The following HS2ST1 variants were observed in gnomAD, a reference collection of about 807,000 sequenced individuals.
HS2ST1 encodes the protein heparan sulfate 2-O-sulfotransferase 1.
HS2ST1 carries 18 observed loss-of-function variants against 42.9 expected under a neutral mutation model. That is an observed-to-expected ratio of 0.42 (90% CI 0.29 to 0.62). HS2ST1 has a LOEUF of 0.62. HS2ST1 is among the 20% of genes least tolerant of loss of function. The probability of loss-of-function intolerance (pLI) is 0.21; values close to 1 mark genes in which losing one functional copy is unlikely to be tolerated. For synonymous variants in HS2ST1, 146 were observed against 152.9 expected, an observed-to-expected ratio of 0.95 and a Z score of 0.33; for missense variants, 334 against 433.8, an observed-to-expected ratio of 0.77 and a Z score of 2.04.
chr1:86,978,331 T>C (rs1037402177), intron 1 of HS2ST1, among the ~76,000 whole-genome samples: 1 of 152,248 alleles, frequency 6.6e-6, no homozygotes, highest in Admixed American at 6.5e-5. Flanking sequence ...GAATTTATCA[T>C]GTATTATGCA....
rs1325787056 is a variant in HS2ST1 at position 86,985,441 on chromosome 1, T to C, written c.124+70281T>C. On this transcript the variant is annotated intron_variant, in intron 1 of 6. Coordinates refer to ENST00000370550, the MANE Select transcript of HS2ST1 (RefSeq NM_012262.4). ...ATATACACATATATACACACATATA[T>C]ACACATATATACACACATATATACA... Among the ~76,000 whole-genome samples the C allele has an allele frequency of 8.8e-3, 299 of 33,850 alleles. 95 individuals are homozygous for C. Among genetic ancestry groups the C allele is most frequent in the East Asian group, 0.04 (7 of 174 alleles). 22.2% of individuals were successfully genotyped at this position (33,850 alleles called of 152,430 possible).
rs1354718361 is a variant in HS2ST1 at position 87,046,336 on chromosome 1, A to G, written c.125-26598A>G. ...TGTAACACACCTTCAGAACCTATAC[A>G]TTGCATCTTTTGGGCAAAGTACTTA... is the stretch of plus-strand genomic sequence containing the variant. On this transcript the variant is annotated intron_variant, in intron 1 of 6. Coordinates refer to ENST00000370550, the MANE Select transcript of HS2ST1 (RefSeq NM_012262.4). The G allele has an allele frequency of 5.4e-6, 4 of 743,756 alleles. No individual in the cohort carries two copies. The African/African-American group carries it at 6.9e-5, about 13-fold the overall frequency. The allele number at this position is 743,756 out of a possible 1,614,324, so 46.1% of individuals were successfully genotyped here.
intron 1 of HS2ST1, among the ~76,000 whole-genome samples, chr1:87,069,222 T>C (rs1044521823): frequency 6.6e-6 from 1 of 152,214 alleles, no homozygotes; most frequent in Non-Finnish European, 1.5e-5. Flanking sequence ...ATTGGACTCA[T>C]GCAGTTCAAA....
At chr1:87,015,028 C>G (rs747137516) in intron 1 of HS2ST1, among the ~76,000 whole-genome samples, 4 of 143,268 alleles carry the variant, frequency 2.8e-5, no homozygotes, top group Admixed American at 7.4e-5. Flanking sequence ...TTAGCAGTAA[C>G]TTTGTGGGGT....
chr1:87,035,636 T>C (rs776977039), intron 1 of HS2ST1, among the ~76,000 whole-genome samples: 2 of 152,220 alleles, frequency 1.3e-5, no homozygotes, highest in African/African-American at 4.8e-5. Context: ...ATAGACATCT[T>C]CTGTACATAA....
chr1:87,024,904 ATTGT>A (rs1276403579), intron 1 of HS2ST1, among the ~76,000 whole-genome samples: 1 of 152,226 alleles, frequency 6.6e-6, no homozygotes, highest in Non-Finnish European at 1.5e-5. Context: ...ATTGTGAGAA[ATTGT>A]TTATTAAATG....
In HS2ST1 at chr1:86,957,793, A is replaced by ATT. The variant is rs34769860; in HGVS notation, c.124+42650_124+42651dup. 1.6e-3 allele frequency among the ~76,000 whole-genome samples: 214 copies of ATT among 136,462 alleles called. 1 individual carries two copies. Among genetic ancestry groups the ATT allele is most frequent in the African/African-American group, 5.5e-3 (201 of 36,388 alleles). 89.5% of individuals were successfully genotyped at this position (136,462 alleles called of 152,430 possible). A position where few individuals can be genotyped will look rare whatever the true frequency, so the allele number is the denominator to read the frequency against. ...TGGAAGATATTAGAGGTTTTTTTAGATTTTTTTTTTTTTTTTTTGAGATGG... is the reference window on the plus strand; with the variant it reads ...TGGAAGATATTAGAGGTTTTTTTAGATTTTTTTTTTTTTTTTTTTTGAGATGG... On this transcript the variant is annotated intron_variant, in intron 1 of 6. Coordinates refer to ENST00000370550, the MANE Select transcript of HS2ST1 (RefSeq NM_012262.4).
intron 1 of HS2ST1, among the ~76,000 whole-genome samples, chr1:86,943,193 A>T (rs1370655101): frequency 1.3e-5 from 2 of 152,182 alleles, no homozygotes; most frequent in African/African-American, 4.8e-5. Flanking sequence ...GATATTTAGA[A>T]CTTTGTACTA....
intron 2 of HS2ST1, among the ~76,000 whole-genome samples, chr1:87,081,994 G>GA (rs11377056): frequency 0.015 from 2,187 of 145,418 alleles, 59 homozygotes; most frequent in African/African-American, 0.052. Flanking sequence ...AGAAAAAAAA[G>GA]AAAAAAAAAG....
rs1297631307 is a variant in HS2ST1 at position 87,108,421 on chromosome 1, T to A, written c.*3725T>A. 6.6e-6 allele frequency: 1 copy of A among 152,098 alleles called. No individual in the cohort carries two copies. Among genetic ancestry groups the A allele is most frequent in the Non-Finnish European group, 1.5e-5 (1 of 67,964 alleles). The allele number at this position is 152,098 out of a possible 1,614,324, so 9.4% of individuals were successfully genotyped here. A position where few individuals can be genotyped will look rare whatever the true frequency, so the allele number is the denominator to read the frequency against. On this transcript the variant is annotated 3_prime_UTR_variant, in exon 7 of 7. Transcript: ENST00000370550. ...AGGTGCTTCTCCTTTATGATTTGAG[T>A]TGGCCTCTTCATAAATTAGTGCTGT...
At chr1:86,945,050 G>A (rs1016222007) in intron 1 of HS2ST1, among the ~76,000 whole-genome samples, 1 of 152,076 alleles carries the variant, frequency 6.6e-6, no homozygotes, top group Non-Finnish European at 1.5e-5. Context: ...ACGGTTAATA[G>A]TATGTTTCCC....
At chr1:87,069,350 T>A (rs1557535234) in intron 1 of HS2ST1, among the ~76,000 whole-genome samples, 1 of 152,234 alleles carries the variant, frequency 6.6e-6, no homozygotes, top group Non-Finnish European at 1.5e-5. Flanking sequence ...ACTGCAAATG[T>A]GGCATAACTA....
chr1:86,937,622 A>C (rs888197981), intron 1 of HS2ST1, among the ~76,000 whole-genome samples: 1 of 152,032 alleles, frequency 6.6e-6, no homozygotes, highest in African/African-American at 2.4e-5. Flanking sequence ...TTTTTTCAGC[A>C]TCTTATTTGG....
At chr1:87,018,443 A>C (rs771479516) in intron 1 of HS2ST1, among the ~76,000 whole-genome samples, 4 of 152,116 alleles carry the variant, frequency 2.6e-5, no homozygotes, top group Admixed American at 6.5e-5. Flanking sequence ...CCCACGAGGC[A>C]GTTTTGTAGC....
At chr1:86,937,965 G>A (rs896013677) in intron 1 of HS2ST1, among the ~76,000 whole-genome samples, 4 of 151,936 alleles carry the variant, frequency 2.6e-5, no homozygotes, top group African/African-American at 9.7e-5. Flanking sequence ...TTATATTTTT[G>A]TCATTGCCCT....
chr1:87,021,517 G>A (rs1279753891), intron 1 of HS2ST1, among the ~76,000 whole-genome samples: 3 of 152,094 alleles, frequency 2.0e-5, no homozygotes, highest in Non-Finnish European at 4.4e-5. Flanking sequence ...TGGTGGTGGT[G>A]TTATTTATTT....
In HS2ST1 at chr1:87,107,261, CAGATTCATAAACTTTTAT is replaced by C. The variant is rs962558524; in HGVS notation, c.*2566_*2583del. On this transcript the variant is annotated 3_prime_UTR_variant, in exon 7 of 7. Transcript: ENST00000370550. Reference sequence around the variant, plus strand: ...TTTCTGATTCGTGTAGTCTCTCCCACAGATTCATAAACTTTTATGACTTATATTGTTTCCAGGTGGGCA... The same window carrying C: ...TTTCTGATTCGTGTAGTCTCTCCCACGACTTATATTGTTTCCAGGTGGGCA... 6.6e-6 allele frequency: 1 copy of C among 151,966 alleles called. No homozygotes were observed. The highest frequency in any genetic ancestry group is 2.4e-5 in the African/African-American group (1 of 41,406). 9.4% of individuals were successfully genotyped at this position (151,966 alleles called of 1,614,324 possible).
chr1:86,974,791 A>G (rs189735539), intron 1 of HS2ST1, among the ~76,000 whole-genome samples: 2 of 152,280 alleles, frequency 1.3e-5, no homozygotes, highest in East Asian at 3.9e-4. Flanking sequence ...GAGAAAAACA[A>G]TGTTTTCATT....
intron 3 of HS2ST1, among the ~76,000 whole-genome samples, chr1:87,088,163 C>G (rs1214982916): frequency 6.6e-6 from 1 of 152,064 alleles, no homozygotes; most frequent in Non-Finnish European, 1.5e-5. Context: ...TGAATCTCTG[C>G]TGGTCCTTAT....
Sources: gnomAD v4.1 joint callset for allele counts (sites outside exome capture counted in the v4.1 genomes callset) on GRCh38, gnomAD v4.1.1 for gene constraint, MANE v1.5 for transcripts, NCBI Gene and HGNC (gene_info 2026-07-23, HGNC 2026-07-21) for gene names.